SLC25A48: variants seen among roughly 807,000 people sequenced by gnomAD.
SLC25A48 encodes the protein solute carrier family 25 member 48, also known as CTC-321K16.1.
In SLC25A48, 29 loss-of-function variants were observed where a neutral mutation model predicts 32.2. The ratio of observed to expected loss-of-function variants is 0.90; its 90% confidence interval spans 0.67 to 1.23. The LOEUF (loss-of-function observed/expected upper bound fraction) is 1.23, where lower values mean the gene tolerates loss of function less well. Among genes scored for constraint, SLC25A48 ranks in the 50% most tolerant of loss-of-function variants. SLC25A48 has a pLI of 0.00. For missense variants in SLC25A48, 399 were observed against 422.7 expected (o/e 0.94, Z 0.49); for synonymous variants, 164 against 172.3 (o/e 0.95, Z 0.38).
chr5:135,777,160 C>G (rs759681286), intron 3 of SLC25A48, among the ~76,000 whole-genome samples: 12 of 151,664 alleles, frequency 7.9e-5, no homozygotes, highest in Non-Finnish European at 5.9e-5. Context: ...ACTGTACACA[C>G]CCCCCGTAAT....
rs80137758 is a variant in SLC25A48, at chr5:135,731,507, C to T, written c.-520-81016C>T. Among the ~76,000 whole-genome samples the T allele has an allele frequency of 9.6e-3, 1,459 of 152,064 alleles. 30 individuals carry two copies. The highest frequency in any genetic ancestry group is 0.033 in the African/African-American group (1,367 of 41,484). On this transcript the variant is annotated intron_variant, in intron 3 of 10. Transcript: ENST00000646290. ...CAATGTTTCTTGGGGCTGCTTCAAG[C>T]GGTATTAGGGGTGACGTGGGAACCC...
chr5:135,746,131 G>A (rs908482106), intron 3 of SLC25A48: 2 of 152,786 alleles, frequency 1.3e-5, no homozygotes, highest in Admixed American at 6.5e-5. Context: ...ACTCCTCTCC[G>A]TATACAATAC....
chr5:135,887,902 C>A, intron 7 of SLC25A48, 130 bp from the exon 8 acceptor site: 1 of 843,904 alleles, frequency 1.2e-6, no homozygotes, highest in Non-Finnish European at 1.9e-6. Context: ...GAATCAAGTG[C>A]AAAAGTGTTT....
At chr5:135,789,248 GTT>G (rs1756951379) in intron 3 of SLC25A48, among the ~76,000 whole-genome samples, 1 of 146,618 alleles carries the variant, frequency 6.8e-6, no homozygotes. Flanking sequence ...AGTGGGTGGT[GTT>G]ACTTTCCATG....
At chr5:135,637,834 A>T (rs1752740633) in intron 3 of SLC25A48, among the ~76,000 whole-genome samples, 1 of 152,134 alleles carries the variant, frequency 6.6e-6, no homozygotes, top group Non-Finnish European at 1.5e-5. Flanking sequence ...CCTGTACTGG[A>T]TGTTTGGGCT....
chr5:135,804,990 T>G (rs1408281577), intron 3 of SLC25A48, among the ~76,000 whole-genome samples: 2 of 151,506 alleles, frequency 1.3e-5, no homozygotes, highest in Non-Finnish European at 3.0e-5. Context: ...TAGGTAGATA[T>G]TACTCCTAAT....
chr5:135,879,418 C>T (rs1352788631), intron 6 of SLC25A48, among the ~76,000 whole-genome samples: 2 of 151,980 alleles, frequency 1.3e-5, no homozygotes, highest in Non-Finnish European at 2.9e-5. Context: ...TGCCATTGGC[C>T]CAAGTGACTC....
rs151070283 is a variant in SLC25A48, at chr5:135,685,755, C to T, written c.-521+50799C>T. On this transcript the variant is annotated intron_variant, in intron 3 of 10. Transcript: ENST00000646290. ...AGGACCTTTTAAAGAATAGGTTCTG[C>T]GGCATTTCTGATTCCTATACATGAC... 7.0e-4 allele frequency among the ~76,000 whole-genome samples: 106 copies of T among 152,328 alleles called. 2 individuals are homozygous for T. Among genetic ancestry groups the T allele is most frequent in the Admixed American group, 2.0e-3 (30 of 15,298 alleles).
At position 135,790,994 on chromosome 5, in the gene SLC25A48, G is replaced by T. The variant is rs200609676; in HGVS notation, c.-520-21529G>T. 3.5e-4 allele frequency among the ~76,000 whole-genome samples: 8 copies of T among 22,738 alleles called. No individual in the cohort carries two copies. In the South Asian group the frequency reaches 0.017, roughly 47 times the overall value. 14.9% of individuals were successfully genotyped at this position (22,738 alleles called of 152,430 possible). ...CCTTTGATATTATTTGTATAATTAC[G>T]GGGGGGGTGTTACTTCTAATGTCAC... On this transcript the variant is annotated intron_variant, in intron 3 of 10. Coordinates refer to the SLC25A48 transcript ENST00000646290.
chr5:135,819,274 C>T (rs1475429941), intron 4 of SLC25A48, among the ~76,000 whole-genome samples: 1 of 152,088 alleles, frequency 6.6e-6, no homozygotes, highest in Non-Finnish European at 1.5e-5. Flanking sequence ...AAAACCATGC[C>T]TAGACACATT....
chr5:135,788,091 G>A (rs1756897366), intron 3 of SLC25A48, among the ~76,000 whole-genome samples: 1 of 152,006 alleles, frequency 6.6e-6, no homozygotes, highest in Non-Finnish European at 1.5e-5. Flanking sequence ...AATATCTGAG[G>A]GGAGACGGTG....
chr5:135,586,889 GT>G (rs1441822205), intron 1 of SLC25A48, among the ~76,000 whole-genome samples: 21 of 152,272 alleles, frequency 1.4e-4, no homozygotes, highest in Middle Eastern at 6.8e-3. Context: ...TTCAAGCAGG[GT>G]TGTGTGATTC....
At chr5:135,860,692 C>T (rs1760704018) in intron 4 of SLC25A48, among the ~76,000 whole-genome samples, 1 of 152,164 alleles carries the variant, frequency 6.6e-6, no homozygotes, top group South Asian at 2.1e-4. Flanking sequence ...GTGGTCTGCG[C>T]CCTGGGTCAG....
At chr5:135,762,648 G>A (rs920216615) in intron 3 of SLC25A48, among the ~76,000 whole-genome samples, 2 of 152,096 alleles carry the variant, frequency 1.3e-5, no homozygotes, top group Admixed American at 1.3e-4. Context: ...ATGAAAGAAT[G>A]GGAGTGTGAA....
At chr5:135,635,678 G>A (rs1475697289) in intron 3 of SLC25A48, among the ~76,000 whole-genome samples, 1 of 152,158 alleles carries the variant, frequency 6.6e-6, no homozygotes, top group Non-Finnish European at 1.5e-5. Context: ...AGTTTCCATG[G>A]TATAAATAGT....
At chr5:135,873,066 G>A (rs909864612) in intron 5 of SLC25A48, among the ~76,000 whole-genome samples, 1 of 152,172 alleles carries the variant, frequency 6.6e-6, no homozygotes, top group African/African-American at 2.4e-5. Context: ...GGGCTGAGGG[G>A]CAAGGGAGTG....
At chr5:135,835,544 T>C (rs771741621) in intron 1 of SLC25A48, among the ~76,000 whole-genome samples, 40 of 152,256 alleles carry the variant, frequency 2.6e-4, no homozygotes, top group Middle Eastern at 6.8e-3. Flanking sequence ...GCCACTCTTT[T>C]ACTGGGCCTG....
At chr5:135,838,481 C>CATGTCTTGGTG (rs1561521021) in intron 1 of SLC25A48, among the ~76,000 whole-genome samples, 4 of 152,200 alleles carry the variant, frequency 2.6e-5, no homozygotes, top group Non-Finnish European at 5.9e-5. Flanking sequence ...TGTTTATCAC[C>CATGTCTTGGTG]AAGACAGTGG....
intron 3 of SLC25A48, among the ~76,000 whole-genome samples, chr5:135,851,411 CAT>C (rs1759855059): frequency 6.6e-6 from 1 of 152,222 alleles, no homozygotes. Context: ...CCTTTTGGCA[CAT>C]GTTCCCGACA....
Sources: allele counts gnomAD v4.1 joint callset (sites outside exome capture counted in the v4.1 genomes callset), GRCh38; gene constraint gnomAD v4.1.1; transcripts MANE v1.5; gene names NCBI Gene and HGNC (gene_info 2026-07-23, HGNC 2026-07-21).